The following GRXCR2 variants were observed in gnomAD, a reference collection of about 807,000 sequenced individuals.
GRXCR2 encodes glutaredoxin and cysteine rich domain containing 2.
Under a neutral mutation model 24.8 loss-of-function variants are expected in GRXCR2, and 23 were observed. The ratio of observed to expected loss-of-function variants is 0.93; its 90% CI spans 0.67 to 1.32. GRXCR2 has a LOEUF of 1.32. Among genes scored for constraint, GRXCR2 ranks in the 40% most tolerant of loss-of-function variants. The pLI, the probability that GRXCR2 is intolerant of heterozygous loss-of-function variation, is 0.00. For synonymous variants in GRXCR2, 130 were observed against 116.1 expected (o/e 1.12, Z -0.77); for missense variants, 315 against 303.4 (o/e 1.04, Z -0.28).
intron 2 of GRXCR2, among the ~76,000 whole-genome samples, chr5:145,896,937 T>C (rs2149921231): frequency 6.6e-6 from 1 of 152,122 alleles, no homozygotes; most frequent in South Asian, 2.1e-4. Context: ...ATATACACCA[T>C]GGAATACTAT....
chr5:145,894,259 C>G (rs566940662), intron 2 of GRXCR2, among the ~76,000 whole-genome samples: 2 of 152,064 alleles, frequency 1.3e-5, no homozygotes, highest in African/African-American at 4.8e-5. Flanking sequence ...CAAAAGCTAG[C>G]AGAAGGCAAG....
In GRXCR2 at chr5:145,890,199, C is replaced by T. The variant is rs116594792; in HGVS notation, c.-69-23471G>A. On this transcript the variant is annotated intron_variant, in intron 2 of 3. Coordinates refer to the GRXCR2 transcript ENST00000639411. ...TGCCTCCCAGGTTCAAGCATTTCTC[C>T]TGCCCTCAACCTCCTGAATACCTGG... Among the ~76,000 whole-genome samples the T allele has an allele frequency of 2.8e-3, 420 of 152,294 alleles. 2 individuals are homozygous for T. The highest frequency in any genetic ancestry group is 9.9e-3 in the African/African-American group (410 of 41,570).
intron 2 of GRXCR2, among the ~76,000 whole-genome samples, chr5:145,928,833 C>T (rs1757436757): frequency 6.6e-6 from 1 of 151,672 alleles, no homozygotes; most frequent in South Asian, 2.1e-4. Context: ...AGCACACCAA[C>T]ATGGCACATG....
intron 2 of GRXCR2, among the ~76,000 whole-genome samples, chr5:145,915,509 G>A (rs1361094840): frequency 1.3e-5 from 2 of 152,186 alleles, no homozygotes; most frequent in Admixed American, 6.5e-5. Flanking sequence ...CTCAGGCCGG[G>A]CACAGTGGCT....
intron 2 of GRXCR2, among the ~76,000 whole-genome samples, chr5:145,908,058 A>T (rs958220569): frequency 3.9e-5 from 6 of 152,248 alleles, no homozygotes; most frequent in Non-Finnish European, 8.8e-5. Context: ...CAGCCTTACC[A>T]GTTCTATGAG....
rs752878636 is a variant in GRXCR2 at position 145,859,892 on chromosome 5, G to C, written c.588C>G (p.Ser196Arg). The C allele has an allele frequency of 3.1e-6, 5 of 1,593,350 alleles. No homozygotes were observed. The highest frequency in any genetic ancestry group is 4.3e-6 in the Non-Finnish European group (5 of 1,168,898). Residue 196 changes from serine to arginine, a missense_variant, in exon 3 of 3, where the codon AGC becomes AGG. Coordinates refer to ENST00000377976, the MANE Select transcript of GRXCR2 (RefSeq NM_001080516.2). ...YTQEGDIPED[S>R]CFHCRGSGSA... ...TGCCCGACCCTCGGCAGTGAAAACA[G>C]CTGTCCTCGGGAATATCCCCTTCCT...
At chr5:145,864,405 G>A (rs903236785) in intron 2 of GRXCR2, among the ~76,000 whole-genome samples, 2 of 152,162 alleles carry the variant, frequency 1.3e-5, no homozygotes, top group African/African-American at 4.8e-5. Context: ...TTTATCCCAA[G>A]CAATGAAAAG....
chr5:145,888,460 C>A (rs1221846467), intron 2 of GRXCR2, among the ~76,000 whole-genome samples: 1 of 152,128 alleles, frequency 6.6e-6, no homozygotes, highest in Non-Finnish European at 1.5e-5. Flanking sequence ...ACCCCCGATC[C>A]ATTTCAAACC....
intron 2 of GRXCR2, among the ~76,000 whole-genome samples, chr5:145,884,700 G>C (rs893297070): frequency 3.3e-5 from 5 of 151,990 alleles, no homozygotes; most frequent in African/African-American, 1.2e-4. Flanking sequence ...TGTTTGAAAT[G>C]TTTATAATAA....
chr5:145,899,011 C>T (rs1302583768), intron 2 of GRXCR2, among the ~76,000 whole-genome samples: 6 of 151,990 alleles, frequency 3.9e-5, no homozygotes, highest in Admixed American at 3.3e-4. Context: ...CCTTGAAAAT[C>T]CTAAAGACAC....
chr5:145,885,053 C>A (rs1756758561), intron 2 of GRXCR2, among the ~76,000 whole-genome samples: 1 of 151,664 alleles, frequency 6.6e-6, no homozygotes, highest in African/African-American at 2.4e-5. Context: ...TTAAACATAT[C>A]TTTTTAATCT....
At chr5:145,923,825 A>G (rs1757358058) in intron 2 of GRXCR2, among the ~76,000 whole-genome samples, 1 of 152,134 alleles carries the variant, frequency 6.6e-6, no homozygotes. Context: ...ATTACCTTAT[A>G]GTATATATAA....
intron 2 of GRXCR2, among the ~76,000 whole-genome samples, chr5:145,904,652 G>A (rs1173457556): frequency 1.3e-5 from 2 of 152,322 alleles, no homozygotes; most frequent in Middle Eastern, 3.4e-3. Flanking sequence ...TGATTGGTTC[G>A]GGGTTGGACA....
upstream of GRXCR2, among the ~76,000 whole-genome samples, chr5:145,877,870 C>G (rs985632482): frequency 5.6e-4 from 85 of 152,236 alleles, no homozygotes; most frequent in African/African-American, 2.0e-3. Flanking sequence ...CTTTGCTGTT[C>G]TGCAGCATCT....
chr5:145,886,422 G>A (rs769636905), intron 2 of GRXCR2, among the ~76,000 whole-genome samples: 6 of 152,152 alleles, frequency 3.9e-5, no homozygotes, highest in Non-Finnish European at 8.8e-5. Context: ...CCCAGTAGAC[G>A]AGGAGTGTGG....
chr5:145,879,824 A>G (rs1219721770), intron 2 of GRXCR2, among the ~76,000 whole-genome samples: 1 of 152,202 alleles, frequency 6.6e-6, no homozygotes, highest in East Asian at 1.9e-4. Context: ...AACATAAAAG[A>G]ACAGAAATCA....
intron 2 of GRXCR2, among the ~76,000 whole-genome samples, chr5:145,886,402 T>C (rs1332070534): frequency 6.6e-6 from 1 of 152,206 alleles, no homozygotes. Context: ...AAGGGAAGGT[T>C]ACCAGAGGAC....
chr5:145,881,808 G>C (rs556583205), intron 2 of GRXCR2, among the ~76,000 whole-genome samples: 1 of 152,266 alleles, frequency 6.6e-6, no homozygotes, highest in African/African-American at 2.4e-5. Flanking sequence ...CATGGTACTG[G>C]TACCTAAACA....
intron 2 of GRXCR2, among the ~76,000 whole-genome samples, chr5:145,910,819 A>G (rs1176867164): frequency 6.7e-6 from 1 of 148,434 alleles, no homozygotes; most frequent in Non-Finnish European, 1.5e-5. Context: ...AGGGTAGATA[A>G]GAAGGGGAAC....
Sources: gnomAD v4.1 joint callset for allele counts (sites outside exome capture counted in the v4.1 genomes callset) on GRCh38, gnomAD v4.1.1 for gene constraint, MANE v1.5 for transcripts, NCBI Gene and HGNC (gene_info 2026-07-23, HGNC 2026-07-21) for gene names.